Variants in PFKP observed in about 807,000 individuals in gnomAD.
The protein encoded by PFKP is ATP-dependent 6-phosphofructokinase, platelet type.
Under a neutral mutation model 94.3 loss-of-function variants are expected in PFKP, and 101 were observed. That is an observed-to-expected ratio of 1.07 (90% CI 0.91 to 1.26). The LOEUF is 1.26. PFKP is among the 50% of genes most tolerant of loss of function. PFKP has a pLI of 0.00. For missense variants in PFKP, 1,145 were observed against 1,103.3 expected (o/e 1.04, Z -0.53); for synonymous variants, 573 against 432.6 (o/e 1.32, Z -4.03).
chr10:3,136,687 A>C lies in PFKP; in HGVS notation c.*108A>C. 2 of 1,237,756 alleles carry C rather than the reference A, an allele frequency of 1.6e-6. No homozygotes were observed. Among genetic ancestry groups the C allele is most frequent in the East Asian group, 2.7e-5 (1 of 37,712 alleles). The allele number at this position is 1,237,756 out of a possible 1,614,324, so 76.7% of individuals were successfully genotyped here. On this transcript the variant is annotated 3_prime_UTR_variant, in exon 22 of 22. Coordinates refer to ENST00000381125, the MANE Select transcript of PFKP (RefSeq NM_002627.5). ...CACGTATTATTGACATTAATACCTA[A>C]TCGGCGAGTGCCCATCTGCCCCACC...
At chr10:3,125,757 G>A (rs73575043) in intron 16 of PFKP, among the ~76,000 whole-genome samples, 3,395 of 152,348 alleles carry the variant, frequency 0.022, 111 homozygotes, top group African/African-American at 0.075. Flanking sequence ...GGGAGGGGTG[G>A]ATTCTGCCAG....
In PFKP at chr10:3,129,987, T is replaced by A; in HGVS notation, c.1848+4T>A. 5 of 1,569,176 alleles carry A rather than the reference T, an allele frequency of 3.2e-6. No individual in the cohort carries two copies. The highest frequency in any genetic ancestry group is 3.5e-6 in the Non-Finnish European group (4 of 1,154,540). ...CTTCGACATCAGGGATCTGCAGGTA[T>A]GTGACGGGGCTGGCCTCAGGGCCCG... On this transcript the variant is annotated splice_donor_region_variant and intron_variant, in intron 17 of 21. Transcript: ENST00000381125.
At chr10:3,108,534 T>C (rs961577856) in intron 8 of PFKP, among the ~76,000 whole-genome samples, 167 bp from the exon 9 acceptor site, 1 of 152,248 alleles carries the variant, frequency 6.6e-6, no homozygotes, top group Non-Finnish European at 1.5e-5. Flanking sequence ...AGCTGCCTGT[T>C]ATATACACTA....
chr10:3,115,232 CACG>C (rs1836665241), intron 13 of PFKP, among the ~76,000 whole-genome samples: 1 of 146,164 alleles, frequency 6.8e-6, no homozygotes, highest in African/African-American at 2.5e-5. Flanking sequence ...GTGTGTGTCC[CACG>C]GCCGAGGACA....
intron 10 of PFKP, 58 bp downstream of exon 10, chr10:3,109,538 T>A: frequency 6.3e-7 from 1 of 1,576,870 alleles, no homozygotes; most frequent in African/African-American, 1.3e-5. Context: ...AGAAGCTGCT[T>A]GTCAGGCCAG....
chr10:3,105,061 T>A lies in PFKP; in HGVS notation c.621-54T>A, dbSNP rs147984433. 9.0e-4 allele frequency: 1,391 copies of A among 1,553,696 alleles called. 19 individuals are homozygous for A. In the East Asian group the frequency reaches 0.027, roughly 31 times the overall value. On this transcript the variant is annotated intron_variant, in intron 5 of 21. Transcript: ENST00000381125. ...TTTCCAGGACTGAGTGGGTGCTCCCTCTGTTTCTCTGCTTTCTGAGCTGTG... is the reference window on the plus strand; with the variant it reads ...TTTCCAGGACTGAGTGGGTGCTCCCACTGTTTCTCTGCTTTCTGAGCTGTG...
At chr10:3,080,679 T>C (rs1251375200) in intron 1 of PFKP, among the ~76,000 whole-genome samples, 1 of 151,998 alleles carries the variant, frequency 6.6e-6, no homozygotes, top group Non-Finnish European at 1.5e-5. Flanking sequence ...GGGGCTCTTG[T>C]GGCTGTTACT....
intron 2 of PFKP, among the ~76,000 whole-genome samples, chr10:3,088,033 A>G (rs981286906): frequency 7.6e-6 from 1 of 131,424 alleles, no homozygotes; most frequent in Non-Finnish European, 1.5e-5. Context: ...TCTAGGGTAC[A>G]TGTGCACAAC....
intron 2 of PFKP, among the ~76,000 whole-genome samples, chr10:3,084,690 G>A (rs551897633): frequency 1.3e-5 from 2 of 149,286 alleles, no homozygotes; most frequent in East Asian, 2.0e-4. Flanking sequence ...GCGGTCTCCA[G>A]CACAGTCCTC....
chr10:3,097,403 C>G (rs899731912), intron 2 of PFKP, among the ~76,000 whole-genome samples: 1 of 152,174 alleles, frequency 6.6e-6, no homozygotes, highest in Non-Finnish European at 1.5e-5. Context: ...GACGGCTACA[C>G]TGGGCTCATC....
chr10:3,104,014 G>C (rs531661804), intron 5 of PFKP, 70 bp downstream of exon 5: 674 of 1,452,214 alleles, frequency 4.6e-4, no homozygotes, highest in Non-Finnish European at 6.0e-4. Flanking sequence ...ACGTTACCAC[G>C]GGCTCTAGAA....
intron 16 of PFKP, chr10:3,125,319 A>G (rs550094591): frequency 9.4e-7 from 1 of 1,062,000 alleles, no homozygotes; most frequent in African/African-American, 1.8e-5. Flanking sequence ...TTCTGTGCTA[A>G]GGATGAGCCG....
At chr10:3,107,917 G>A in intron 8 of PFKP, 5 of 1,289,640 alleles carry the variant, frequency 3.9e-6, no homozygotes, top group Non-Finnish European at 5.1e-6. Context: ...GCCGGGGCTG[G>A]GGATGGGCTG....
At position 3,109,340 on chromosome 10, in the gene PFKP, G is replaced by A; in HGVS notation, c.964-15G>A. On this transcript the variant is annotated splice_polypyrimidine_tract_variant and intron_variant, in intron 9 of 21. Coordinates refer to ENST00000381125, the MANE Select transcript of PFKP (RefSeq NM_002627.5). ...ACGGGAGGCTGCCCCTGACCCACAT[G>A]GACCTGGTTTCCAGGCCAGCCGCAT... 6.2e-7 allele frequency: 1 copy of A among 1,607,984 alleles called. No homozygotes were observed. Among genetic ancestry groups the A allele is most frequent in the South Asian group, 1.1e-5 (1 of 91,080 alleles).
intron 7 of PFKP, among the ~76,000 whole-genome samples, chr10:3,106,255 TCC>T (rs1418905516): frequency 8.6e-6 from 1 of 116,062 alleles, no homozygotes; most frequent in Non-Finnish European, 1.8e-5. Flanking sequence ...TGTGTGTCCT[TCC>T]CCATGGGAGG....
chr10:3,081,977 CTTTTT>C (rs547880338), intron 1 of PFKP, among the ~76,000 whole-genome samples: 16 of 68,428 alleles, frequency 2.3e-4, no homozygotes, highest in East Asian at 1.8e-3. Context: ...AGCCCATTGC[CTTTTT>C]TTTTTTTTTT....
intron 1 of PFKP, among the ~76,000 whole-genome samples, chr10:3,079,657 CGGGGTGGGGGG>C (rs1299684113): frequency 1.3e-4 from 1 of 7,816 alleles, no homozygotes; most frequent in Admixed American, 1.4e-3. Flanking sequence ...CTTCAGAGAG[CGGGGTGGGGGG>C]GGGGGGAAGA....
chr10:3,130,937 G>A (rs995458704), intron 17 of PFKP, among the ~76,000 whole-genome samples: 2 of 152,182 alleles, frequency 1.3e-5, no homozygotes, highest in Non-Finnish European at 2.9e-5. Context: ...CACTAATTAT[G>A]TGACATGTGA....
chr10:3,116,971 G>T, intron 14 of PFKP, 125 bp downstream of exon 14: 2 of 777,740 alleles, frequency 2.6e-6, no homozygotes, highest in Non-Finnish European at 2.3e-6. Context: ...AGGGAGGGGT[G>T]CAGGCAGTTA....
Sources: allele counts gnomAD v4.1 joint callset (sites outside exome capture counted in the v4.1 genomes callset), GRCh38; gene constraint gnomAD v4.1.1; transcripts MANE v1.5; gene names NCBI Gene and HGNC (gene_info 2026-07-23, HGNC 2026-07-21).